Variants in KCNJ14 observed in about 807,000 individuals in gnomAD.
The protein encoded by KCNJ14 is ATP-sensitive inward rectifier potassium channel 14.
KCNJ14 carries 18 observed loss-of-function variants against 24.5 expected under a neutral mutation model. The observed-to-expected ratio is 0.74, with a 90% CI of 0.51 to 1.09. The LOEUF (loss-of-function observed/expected upper bound fraction) is 1.09, where lower values mean the gene tolerates loss of function less well. Among genes scored for constraint, KCNJ14 ranks in the 50% least tolerant of loss-of-function variants. The pLI is 0.00. For synonymous variants in KCNJ14, 288 were observed against 270.8 expected (o/e 1.06, Z -0.63); for missense variants, 633 against 623.0 (o/e 1.02, Z -0.17).
intron 1 of KCNJ14, 176 bp from the exon 2 acceptor site, chr19:48,461,494 C>G (rs1971594333): frequency 1.4e-5 from 5 of 365,068 alleles, no homozygotes; most frequent in Non-Finnish European, 1.4e-5. Context: ...TGCCACTGCA[C>G]TCCAGCTTGG....
chr19:48,459,118 T>C (rs1601009846), intron 1 of KCNJ14, among the ~76,000 whole-genome samples: 1 of 149,910 alleles, frequency 6.7e-6, no homozygotes, highest in South Asian at 2.1e-4. Context: ...GGCAGGCGCC[T>C]GTAGTCCCAG....
chr19:48,464,639 G>C lies in KCNJ14; in HGVS notation c.1173G>C (p.Glu391Asp). Residue 391 changes from glutamate (E) to aspartate (D), a missense_variant, in exon 3 of 3, where the codon GAG becomes GAC. Glu to Asp is a conservative substitution (Grantham distance 45). Transcript: ENST00000342291. ...GCTCTCTGACTGCATTTTGTTATGA[G>C]AATGAACTTGCTCTGAGCTGCTGCC... is the stretch of plus-strand genomic sequence containing the variant. Reference protein sequence around the residue: ...FPGSLTAFCYENELALSCCQE... With the variant: ...FPGSLTAFCYDNELALSCCQE... The C allele has an allele frequency of 6.2e-7, 1 of 1,614,122 alleles. No homozygotes were observed. The highest frequency in any genetic ancestry group is 8.5e-7 in the Non-Finnish European group (1 of 1,180,030).
intron 1 of KCNJ14, chr19:48,457,168 G>A (rs1163810948): frequency 6.6e-6 from 1 of 151,868 alleles, no homozygotes; most frequent in East Asian, 1.9e-4. Flanking sequence ...TTAAGATAGG[G>A]TCTCGCCATG....
At position 48,460,726 on chromosome 19, in the gene KCNJ14, C is replaced by G. The variant is rs376469146; in HGVS notation, c.-55-944C>G. Among the ~76,000 whole-genome samples, 17 of 152,328 alleles carry G rather than the reference C, an allele frequency of 1.1e-4. 1 individual carries two copies. The East Asian group carries it at 2.7e-3, about 24-fold the overall frequency. ...TAGAACACAAATTATGAATTCAGTA[C>G]ATAGATTTAGCACTGTATAAATGCA... On this transcript the variant is annotated intron_variant, in intron 1 of 2. Coordinates refer to ENST00000342291, the MANE Select transcript of KCNJ14 (RefSeq NM_013348.4).
chr19:48,460,982 CCT>C (rs1971587400), intron 1 of KCNJ14, among the ~76,000 whole-genome samples: 1 of 150,976 alleles, frequency 6.6e-6, no homozygotes, highest in African/African-American at 2.4e-5. Flanking sequence ...TAGTGAGGCC[CCT>C]GTCTCTATAA....
Position 48,461,815 on chromosome 19 carries a change from T to A in KCNJ14, c.91T>A (p.Leu31Met), listed in dbSNP as rs1451073184. 5 of 1,499,794 alleles carry A rather than the reference T, an allele frequency of 3.3e-6. No individual in the cohort carries two copies. The highest frequency in any genetic ancestry group is 4.4e-6 in the Non-Finnish European group (5 of 1,127,300). 92.9% of individuals were successfully genotyped at this position (1,499,794 alleles called of 1,614,324 possible). A position where few individuals can be genotyped will look rare whatever the true frequency, so the allele number is the denominator to read the frequency against. The change falls in exon 2 of 3, where the codon TTG becomes ATG. Residue 31 changes from leucine (L) to methionine (M), a missense_variant. Transcript: ENST00000342291. ...AGDEEEAGPGLCRNGWAPAPV... is the reference protein window; with the variant it reads ...AGDEEEAGPGMCRNGWAPAPV... ...CGATGAAGAGGAGGCCGGGCCCGGG[T>A]TGTGCCGCAACGGGTGGGCGCCGGC...
intron 1 of KCNJ14, among the ~76,000 whole-genome samples, chr19:48,459,159 G>C (rs1971567799): frequency 6.8e-6 from 1 of 146,498 alleles, no homozygotes; most frequent in Non-Finnish European, 1.5e-5. Context: ...AGAATGGCGT[G>C]AACCCAGGAG....
chr19:48,458,935 CAAAAAA>C (rs34990679), intron 1 of KCNJ14, among the ~76,000 whole-genome samples: 38 of 38,650 alleles, frequency 9.8e-4, no homozygotes, highest in African/African-American at 4.0e-3. Flanking sequence ...GACTCCGTCT[CAAAAAA>C]AAAAAAAAAA....
chr19:48,459,863 C>T (rs1332176280), intron 1 of KCNJ14, among the ~76,000 whole-genome samples: 1 of 151,942 alleles, frequency 6.6e-6, no homozygotes, highest in Non-Finnish European at 1.5e-5. Context: ...ACCCCATCTC[C>T]ACTAAAAATA....
At position 48,460,312 on chromosome 19, in the gene KCNJ14, C is replaced by T. The variant is rs551088444; in HGVS notation, c.-55-1358C>T. Among the ~76,000 whole-genome samples, 299 of 151,974 alleles carry T rather than the reference C, an allele frequency of 2.0e-3. 2 individuals carry two copies. The highest frequency in any genetic ancestry group is 6.8e-3 in the Middle Eastern group (2 of 294). ...AGGCTGGAGTGCAATGGCACGATCTCGGCTCACCGCAACCTCCACCTCCCA... is the reference window on the plus strand; with the variant it reads ...AGGCTGGAGTGCAATGGCACGATCTTGGCTCACCGCAACCTCCACCTCCCA... On this transcript the variant is annotated intron_variant, in intron 1 of 2. Coordinates refer to ENST00000342291, the MANE Select transcript of KCNJ14 (RefSeq NM_013348.4).
intron 2 of KCNJ14, among the ~76,000 whole-genome samples, chr19:48,463,530 G>A (rs1039935826): frequency 2.6e-5 from 4 of 152,112 alleles, no homozygotes; most frequent in African/African-American, 9.7e-5. Context: ...CCCACAAAGC[G>A]TGCTCACACA....
chr19:48,459,729 C>G (rs1237927337), intron 1 of KCNJ14, among the ~76,000 whole-genome samples: 2 of 152,070 alleles, frequency 1.3e-5, no homozygotes, highest in East Asian at 3.9e-4. Flanking sequence ...TTTCGGAGCA[C>G]AAAAGTTTTT....
intron 1 of KCNJ14, among the ~76,000 whole-genome samples, chr19:48,459,508 C>T (rs1236947366): frequency 2.0e-5 from 3 of 152,116 alleles, no homozygotes; most frequent in African/African-American, 7.2e-5. Context: ...AATCCTCCCA[C>T]CTCAACCTTC....
Position 48,465,184 on chromosome 19 carries a change from T to G in KCNJ14, c.*407T>G. Reference sequence around the variant, plus strand: ...ATCAGATATCAAGAGTTTGTAGGTCTGGATTCACCTAAGATTCAAGGGAGT... The same window carrying G: ...ATCAGATATCAAGAGTTTGTAGGTCGGGATTCACCTAAGATTCAAGGGAGT... On this transcript the variant is annotated 3_prime_UTR_variant, in exon 3 of 3. Transcript: ENST00000342291. 1 of 185,944 alleles carries G rather than the reference T, an allele frequency of 5.4e-6. No homozygotes were observed. Among genetic ancestry groups the G allele is most frequent in the Non-Finnish European group, 1.1e-5 (1 of 87,350 alleles). The allele number at this position is 185,944 out of a possible 1,614,324, so 11.5% of individuals were successfully genotyped here. A position where few individuals can be genotyped will look rare whatever the true frequency, so the allele number is the denominator to read the frequency against.
At position 48,464,646 on chromosome 19, in the gene KCNJ14, C is replaced by G; in HGVS notation, c.1180C>G (p.Leu394Val). Residue 394 changes from leucine (L) to valine (V), a missense_variant, in exon 3 of 3, where the codon CTT becomes GTT. Coordinates refer to ENST00000342291, the MANE Select transcript of KCNJ14 (RefSeq NM_013348.4). Reference sequence around the variant, plus strand: ...GACTGCATTTTGTTATGAGAATGAACTTGCTCTGAGCTGCTGCCAGGAGGA... The same window carrying G: ...GACTGCATTTTGTTATGAGAATGAAGTTGCTCTGAGCTGCTGCCAGGAGGA... ...SLTAFCYENE[L>V]ALSCCQEEDE... is the part of the protein sequence containing the mutation. 1 of 1,614,108 alleles carries G rather than the reference C, an allele frequency of 6.2e-7. No individual in the cohort carries two copies. The highest frequency in any genetic ancestry group is 1.1e-5 in the South Asian group (1 of 91,090).
intron 2 of KCNJ14, among the ~76,000 whole-genome samples, chr19:48,463,390 C>T (rs892578977): frequency 6.6e-6 from 1 of 152,138 alleles, no homozygotes; most frequent in Non-Finnish European, 1.5e-5. Context: ...AATCTCCTGC[C>T]TGAAGCTTTG....
At position 48,455,869 on chromosome 19, in the gene KCNJ14, G is replaced by C. The variant is rs1209370367; in HGVS notation, c.-56+11G>C. ...TCCTGAGCGGCCAAGGTGAGCAGTG[G>C]GGTCTGAGAGTCCAGTGGGGGCTGT... On this transcript the variant is annotated intron_variant, in intron 1 of 2. Transcript: ENST00000342291. The C allele has an allele frequency of 3.3e-5, 5 of 152,422 alleles. No individual in the cohort carries two copies. The highest frequency in any genetic ancestry group is 7.3e-5 in the Non-Finnish European group (5 of 68,202). 9.4% of individuals were successfully genotyped at this position (152,422 alleles called of 1,614,324 possible). A position where few individuals can be genotyped will look rare whatever the true frequency, so the allele number is the denominator to read the frequency against.
Position 48,464,450 on chromosome 19 carries a change from C to T in KCNJ14, c.984C>T (p.Gly328=). ...ACCTCCCTGGTGAACTGCTCTGGGGCCATCGTTTTGAGCCAGTTCTCTTCC... is the reference window on the plus strand; with the variant it reads ...ACCTCCCTGGTGAACTGCTCTGGGGTCATCGTTTTGAGCCAGTTCTCTTCC... ...SSYLPGELLW[G]HRFEPVLFQR... is the part of the protein sequence containing the mutation. The change falls in exon 3 of 3, where the codon GGC becomes GGT. Residue 328 remains glycine (G), a synonymous_variant. Transcript: ENST00000342291. 4 of 1,613,892 alleles carry T rather than the reference C, an allele frequency of 2.5e-6. No individual in the cohort carries two copies. Among genetic ancestry groups the T allele is most frequent in the Non-Finnish European group, 2.5e-6 (3 of 1,179,934 alleles).
At chr19:48,459,396 T>C (rs1971570810) in intron 1 of KCNJ14, among the ~76,000 whole-genome samples, 1 of 152,146 alleles carries the variant, frequency 6.6e-6, no homozygotes. Context: ...CTTTTCCCTT[T>C]CTTAAAAAGC....
Sources: allele counts gnomAD v4.1 joint callset (sites outside exome capture counted in the v4.1 genomes callset), GRCh38; gene constraint gnomAD v4.1.1; transcripts MANE v1.5; gene names NCBI Gene and HGNC (gene_info 2026-07-23, HGNC 2026-07-21).